Variants in NTRK3 observed in about 807,000 individuals in gnomAD.
The protein encoded by NTRK3 is neurotrophic receptor tyrosine kinase 3.
A neutral mutation model predicts 91.7 loss-of-function variants in NTRK3; 24 were observed. The observed-to-expected ratio is 0.26, with a 90% confidence interval of 0.19 to 0.37. The LOEUF (loss-of-function observed/expected upper bound fraction) is 0.37. Ranked by LOEUF, NTRK3 falls within the 10% of genes least tolerant of loss-of-function variation. The probability of loss-of-function intolerance (pLI) is 1.00; values close to 1 mark genes in which losing one functional copy is unlikely to be tolerated. For synonymous variants in NTRK3, 483 were observed against 404.0 expected (o/e 1.20, Z -2.34); for missense variants, 880 against 1,068.9 (o/e 0.82, Z 2.46).
chr15:88,149,153 T>A (rs917590569), intron 5 of NTRK3, among the ~76,000 whole-genome samples: 2 of 152,164 alleles, frequency 1.3e-5, no homozygotes, highest in African/African-American at 2.4e-5. Context: ...TTCATAACAG[T>A]ACCAGACACT....
At chr15:88,091,823 C>A (rs113227042) in intron 13 of NTRK3, among the ~76,000 whole-genome samples, 136 of 152,302 alleles carry the variant, frequency 8.9e-4, no homozygotes, top group African/African-American at 3.1e-3. Context: ...CACCTGCCAG[C>A]CTAGTGTCCC....
intron 3 of NTRK3, among the ~76,000 whole-genome samples, chr15:88,215,346 C>T (rs373874299): frequency 1.3e-5 from 2 of 152,224 alleles, no homozygotes; most frequent in African/African-American, 4.8e-5. Context: ...CAAACACGGC[C>T]CCCCACTGCC....
chr15:88,103,449 G>A (rs550877203), intron 13 of NTRK3, among the ~76,000 whole-genome samples: 11 of 152,126 alleles, frequency 7.2e-5, no homozygotes, highest in African/African-American at 9.6e-5. Flanking sequence ...ACACAACGAC[G>A]GACAGATATC....
chr15:87,882,419 A>C (rs898166654), intron 17 of NTRK3, among the ~76,000 whole-genome samples: 2 of 152,230 alleles, frequency 1.3e-5, no homozygotes, highest in African/African-American at 2.4e-5. Context: ...AATGCAGAGC[A>C]AATAAGCCAC....
chr15:88,217,302 C>T (rs987881744), intron 3 of NTRK3, among the ~76,000 whole-genome samples: 3 of 152,216 alleles, frequency 2.0e-5, no homozygotes, highest in African/African-American at 7.2e-5. Flanking sequence ...ACGGTATACC[C>T]GTGTTCTCAG....
At chr15:88,169,841 A>T (rs1360542726) in intron 5 of NTRK3, among the ~76,000 whole-genome samples, 1 of 152,072 alleles carries the variant, frequency 6.6e-6, no homozygotes, top group East Asian at 1.9e-4. Context: ...TCAGCTGCTG[A>T]CTTGCACCCA....
chr15:87,940,373 C>G (rs117205822), intron 15 of NTRK3, among the ~76,000 whole-genome samples: 1 of 152,160 alleles, frequency 6.6e-6, no homozygotes, highest in African/African-American at 2.4e-5. Context: ...AAAAAAGGAC[C>G]AGGGTCATTT....
chr15:88,246,754 CAG>C (rs1297078876), intron 3 of NTRK3, among the ~76,000 whole-genome samples: 1 of 152,212 alleles, frequency 6.6e-6, no homozygotes, highest in African/African-American at 2.4e-5. Context: ...GCTCATGAGT[CAG>C]AAAGTCCGGG....
intron 13 of NTRK3, among the ~76,000 whole-genome samples, chr15:88,050,907 C>T (rs1176443706): frequency 6.6e-6 from 1 of 152,154 alleles, no homozygotes; most frequent in Non-Finnish European, 1.5e-5. Context: ...CTGCCACAAA[C>T]TATAATTTTA....
At chr15:88,247,407 C>A (rs987725012) in intron 3 of NTRK3, among the ~76,000 whole-genome samples, 1 of 152,182 alleles carries the variant, frequency 6.6e-6, no homozygotes, top group African/African-American at 2.4e-5. Context: ...TTCCTAAGTT[C>A]TTTCTCTGTA....
chr15:88,148,660 G>A (rs2043100828), intron 5 of NTRK3, among the ~76,000 whole-genome samples: 1 of 152,188 alleles, frequency 6.6e-6, no homozygotes, highest in African/African-American at 2.4e-5. Context: ...CTGGCCATGG[G>A]GAGGAGTTTG....
At chr15:87,934,729 A>G (rs968870636) in intron 15 of NTRK3, among the ~76,000 whole-genome samples, 1 of 152,120 alleles carries the variant, frequency 6.6e-6, no homozygotes, top group Non-Finnish European at 1.5e-5. Context: ...CTGTCCAGGA[A>G]TCAGCTCACA....
At chr15:88,104,924 G>A (rs542518475) in intron 13 of NTRK3, among the ~76,000 whole-genome samples, 16 of 152,338 alleles carry the variant, frequency 1.1e-4, no homozygotes, top group African/African-American at 2.2e-4. Flanking sequence ...CTGCTTCTGC[G>A]AGTTGGGCTG....
intron 15 of NTRK3, among the ~76,000 whole-genome samples, chr15:87,940,125 C>G (rs2069679753): frequency 6.6e-6 from 1 of 152,176 alleles, no homozygotes; most frequent in Non-Finnish European, 1.5e-5. Flanking sequence ...TCTCCCAGTG[C>G]TAACCCCCTA....
chr15:87,942,759 G>A (rs1596336812), intron 14 of NTRK3, among the ~76,000 whole-genome samples: 1 of 152,168 alleles, frequency 6.6e-6, no homozygotes, highest in Non-Finnish European at 1.5e-5. Flanking sequence ...ATGGGTATGG[G>A]GAGAATAGTA....
At chr15:87,992,834 C>T (rs1394827169) in intron 14 of NTRK3, among the ~76,000 whole-genome samples, 1 of 152,190 alleles carries the variant, frequency 6.6e-6, no homozygotes, top group African/African-American at 2.4e-5. Context: ...TATGTAGATG[C>T]CAAGGGCAGG....
chr15:87,924,062 T>C (rs1199181018), intron 17 of NTRK3, among the ~76,000 whole-genome samples: 3 of 152,198 alleles, frequency 2.0e-5, no homozygotes, highest in African/African-American at 7.2e-5. Flanking sequence ...CAATAATTAA[T>C]ATTTATTATT....
intron 3 of NTRK3, among the ~76,000 whole-genome samples, chr15:88,254,523 C>G (rs574842746): frequency 1.6e-4 from 25 of 152,270 alleles, no homozygotes; most frequent in South Asian, 1.2e-3. Flanking sequence ...TTCCCTCAAA[C>G]TGTCAGCTGC....
At chr15:87,948,215 T>C (rs2070761352) in intron 14 of NTRK3, among the ~76,000 whole-genome samples, 1 of 152,168 alleles carries the variant, frequency 6.6e-6, no homozygotes, top group South Asian at 2.1e-4. Context: ...GAGTAGAGCA[T>C]GGCTAAACTA....
Sources: allele counts gnomAD v4.1 joint callset (sites outside exome capture counted in the v4.1 genomes callset), GRCh38; gene constraint gnomAD v4.1.1; transcripts MANE v1.5; gene names NCBI Gene and HGNC (gene_info 2026-07-23, HGNC 2026-07-21).